Variants in EPHB1 observed in about 807,000 individuals in gnomAD.
The protein encoded by EPHB1 is EPH receptor B1.
EPHB1 carries 30 observed loss-of-function variants against 94.4 expected under a neutral mutation model. The observed-to-expected ratio is 0.32, with a 90% CI of 0.24 to 0.43. EPHB1 has a LOEUF of 0.43. Among genes scored for constraint, EPHB1 ranks in the 20% least tolerant of loss-of-function variants. The pLI is 1.00. For synonymous variants in EPHB1, 522 were observed against 489.1 expected (o/e 1.07, Z -0.89); for missense variants, 1,055 against 1,308.3 (o/e 0.81, Z 2.99).
At chr3:135,072,535 A>C (rs1937759927) in intron 3 of EPHB1, among the ~76,000 whole-genome samples, 1 of 152,150 alleles carries the variant, frequency 6.6e-6, no homozygotes. Flanking sequence ...CAGTCTGCCC[A>C]GTCTCTGAGC....
intron 2 of EPHB1, among the ~76,000 whole-genome samples, chr3:134,936,265 G>C (rs186030139): frequency 6.6e-6 from 1 of 152,188 alleles, no homozygotes; most frequent in Non-Finnish European, 1.5e-5. Context: ...AAAGCAAGCT[G>C]TATGGGGGAG....
At chr3:134,934,048 G>C (rs2038954539) in intron 2 of EPHB1, among the ~76,000 whole-genome samples, 1 of 151,748 alleles carries the variant, frequency 6.6e-6, no homozygotes, top group Non-Finnish European at 1.5e-5. Flanking sequence ...ATAAGTCAGA[G>C]CTCCCCACCC....
At chr3:135,085,807 ACTG>A (rs1938341365) in intron 3 of EPHB1, among the ~76,000 whole-genome samples, 1 of 152,160 alleles carries the variant, frequency 6.6e-6, no homozygotes, top group Admixed American at 6.5e-5. Flanking sequence ...TCTGTCTCAG[ACTG>A]CTTCTCTTCC....
chr3:134,903,815 GTTA>G (rs2038256769), intron 1 of EPHB1, among the ~76,000 whole-genome samples: 1 of 152,174 alleles, frequency 6.6e-6, no homozygotes, highest in African/African-American at 2.4e-5. Context: ...TCTAAAGCTG[GTTA>G]TTATTCCATT....
chr3:135,181,657 G>A (rs182299576), intron 10 of EPHB1, among the ~76,000 whole-genome samples: 171 of 152,262 alleles, frequency 1.1e-3, no homozygotes, highest in African/African-American at 4.1e-3. Flanking sequence ...TTTCATCCCA[G>A]AGAGCACACA....
At chr3:134,932,779 C>A (rs567374000) in intron 2 of EPHB1, among the ~76,000 whole-genome samples, 1 of 152,148 alleles carries the variant, frequency 6.6e-6, no homozygotes, top group Non-Finnish European at 1.5e-5. Flanking sequence ...GACAGAAAAG[C>A]CTGAGCTAGA....
chr3:134,995,578 C>T (rs568750145), intron 3 of EPHB1, among the ~76,000 whole-genome samples: 2 of 151,890 alleles, frequency 1.3e-5, no homozygotes, highest in African/African-American at 2.4e-5. Context: ...AAGACAAATG[C>T]AAATTAAGAC....
At chr3:135,103,496 A>C (rs1939102463) in intron 3 of EPHB1, among the ~76,000 whole-genome samples, 1 of 152,242 alleles carries the variant, frequency 6.6e-6, no homozygotes, top group Middle Eastern at 3.2e-3. Flanking sequence ...GAGAGGAGTT[A>C]GCATTATTTA....
chr3:134,978,085 G>C, intron 3 of EPHB1: 1 of 424,964 alleles, frequency 2.4e-6, no homozygotes, highest in Non-Finnish European at 4.6e-6. Flanking sequence ...CAGGTGACTT[G>C]CTTGTGGAGC....
intron 4 of EPHB1, among the ~76,000 whole-genome samples, chr3:135,107,059 T>C (rs1939246018): frequency 1.3e-5 from 2 of 152,214 alleles, no homozygotes; most frequent in South Asian, 4.1e-4. Flanking sequence ...ATTCTGTACT[T>C]ATCTCAGTTA....
chr3:134,899,529 C>T (rs2038155677), intron 1 of EPHB1, among the ~76,000 whole-genome samples: 1 of 152,206 alleles, frequency 6.6e-6, no homozygotes, highest in African/African-American at 2.4e-5. Flanking sequence ...CCTCATTTCT[C>T]CTTCACTTCC....
chr3:134,894,316 T>C (rs960687686), intron 1 of EPHB1, among the ~76,000 whole-genome samples: 1 of 152,222 alleles, frequency 6.6e-6, no homozygotes, highest in Non-Finnish European at 1.5e-5. Context: ...GGACTGGCCA[T>C]GAAGCTCAGG....
At chr3:135,184,076 A>G (rs1456522134) in intron 10 of EPHB1, among the ~76,000 whole-genome samples, 1 of 152,196 alleles carries the variant, frequency 6.6e-6, no homozygotes, top group Non-Finnish European at 1.5e-5. Flanking sequence ...TCAAGGCTGC[A>G]TTTAAGTGAC....
At chr3:135,198,399 G>A (rs1470989059) in intron 11 of EPHB1, among the ~76,000 whole-genome samples, 2 of 152,160 alleles carry the variant, frequency 1.3e-5, no homozygotes, top group Non-Finnish European at 2.9e-5. Context: ...AACATATTCT[G>A]TAAGTATTAT....
intron 3 of EPHB1, among the ~76,000 whole-genome samples, chr3:134,997,779 C>G (rs9811839): frequency 0.3 from 46,129 of 152,070 alleles, 7,485 homozygotes; most frequent in Middle Eastern, 0.48. Context: ...AAAAAGCAAA[C>G]AGTTTCCTGA....
intron 3 of EPHB1, among the ~76,000 whole-genome samples, chr3:135,066,283 C>T (rs530473109): frequency 2.6e-5 from 4 of 152,286 alleles, no homozygotes; most frequent in East Asian, 1.9e-4. Flanking sequence ...AATTATTTCC[C>T]CAAATATGTT....
At chr3:135,183,011 TTTTCTTTTCTTTTCTTTTCTTTCTTTC>T (rs1227757506) in intron 10 of EPHB1, among the ~76,000 whole-genome samples, 143 of 72,800 alleles carry the variant, frequency 2.0e-3, no homozygotes, top group Non-Finnish European at 3.0e-3. Flanking sequence ...TTTTCTTTTC[TTTTCTTTTCTTTTCTTTTCTTTCTTTC>T]TTTCTTTCTT....
chr3:134,987,175 A>G (rs1270107570), intron 3 of EPHB1, among the ~76,000 whole-genome samples: 1 of 152,180 alleles, frequency 6.6e-6, no homozygotes, highest in Non-Finnish European at 1.5e-5. Flanking sequence ...AATAATAATT[A>G]CTAACATTTA....
intron 4 of EPHB1, among the ~76,000 whole-genome samples, chr3:135,118,702 T>C (rs778696802): frequency 7.2e-5 from 11 of 152,202 alleles, no homozygotes; most frequent in Non-Finnish European, 1.5e-4. Context: ...GAACTAGTTA[T>C]GTGCTCTCCA....
Sources: allele counts gnomAD v4.1 joint callset (sites outside exome capture counted in the v4.1 genomes callset), GRCh38; gene constraint gnomAD v4.1.1; transcripts MANE v1.5; gene names NCBI Gene and HGNC (gene_info 2026-07-23, HGNC 2026-07-21).